The following CADPS variants were observed in gnomAD, a reference collection of about 807,000 sequenced individuals.
CADPS encodes the protein calcium dependent secretion activator, also known as calcium-dependent secretion activator 1.
CADPS carries 57 observed loss-of-function variants against 167.3 expected under a neutral mutation model. The ratio of observed to expected loss-of-function variants is 0.34; its 90% CI spans 0.28 to 0.42. The LOEUF (loss-of-function observed/expected upper bound fraction) is 0.42. Among genes scored for constraint, CADPS ranks in the 20% least tolerant of loss-of-function variants. The probability of loss-of-function intolerance (pLI) is 1.00; values close to 1 mark genes in which losing one functional copy is unlikely to be tolerated. For synonymous variants in CADPS, 676 were observed against 635.3 expected (o/e 1.06, Z -0.96); for missense variants, 1,414 against 1,738.1 (o/e 0.81, Z 3.32).
chr3:62,481,658 A>G, intron 22 of CADPS, 65 bp downstream of exon 22: 1 of 1,405,310 alleles, frequency 7.1e-7, no homozygotes. Context: ...ATAGAAATAA[A>G]CAATACATAT....
chr3:62,433,590 G>T lies in CADPS; in HGVS notation c.3777+4514C>A, dbSNP rs1040082337. ...CCCTGGGCCTGGTTCCCAATGACAC[G>T]GGGCCTGAAGAAAGCCAGTGCGGAT... On this transcript the variant is annotated intron_variant, in intron 28 of 29. Transcript: ENST00000383710. This position sits in a 1 kb window ranked among gnomAD's most constrained non-coding sequence, Gnocchi z 4.7. Among the ~76,000 whole-genome samples, 2 of 152,048 alleles carry T rather than the reference G, an allele frequency of 1.3e-5. No individual in the cohort carries two copies. Among genetic ancestry groups the T allele is most frequent in the African/African-American group, 4.8e-5 (2 of 41,392 alleles).
intron 6 of CADPS, among the ~76,000 whole-genome samples, chr3:62,629,757 GTTT>G (rs55956118): frequency 2.7e-5 from 4 of 145,678 alleles, no homozygotes; most frequent in African/African-American, 1.0e-4. Context: ...CTCTGGTACA[GTTT>G]TTTTTTTGTT....
intron 3 of CADPS, among the ~76,000 whole-genome samples, chr3:62,684,217 G>A (rs1210197381): frequency 2.0e-5 from 3 of 151,992 alleles, no homozygotes; most frequent in Non-Finnish European, 4.4e-5. Flanking sequence ...TATGGACTTA[G>A]GAAAGTTTAT....
intron 2 of CADPS, among the ~76,000 whole-genome samples, chr3:62,758,200 T>C (rs2084475119): frequency 6.6e-6 from 1 of 152,222 alleles, no homozygotes; most frequent in South Asian, 2.1e-4. Context: ...TCCTTCATGG[T>C]AAACAATGAA....
At chr3:62,744,234 T>A (rs994907234) in intron 3 of CADPS, among the ~76,000 whole-genome samples, 2 of 152,160 alleles carry the variant, frequency 1.3e-5, no homozygotes, top group Non-Finnish European at 2.9e-5. Flanking sequence ...GTATAATTGA[T>A]GTCCAAACTG....
chr3:62,527,076 C>G (rs918901308), intron 13 of CADPS, among the ~76,000 whole-genome samples: 10 of 152,188 alleles, frequency 6.6e-5, no homozygotes, highest in Non-Finnish European at 1.3e-4. Flanking sequence ...AGGATGCCAC[C>G]TAGTACTCTG....
intron 6 of CADPS, among the ~76,000 whole-genome samples, chr3:62,608,540 A>T (rs569428799): frequency 6.6e-6 from 1 of 152,262 alleles, no homozygotes; most frequent in East Asian, 1.9e-4. Flanking sequence ...CGGCCTCCCA[A>T]AGTGCTGGGA....
chr3:62,645,586 T>C (rs1381835054), intron 6 of CADPS, 136 bp downstream of exon 6: 13 of 901,718 alleles, frequency 1.4e-5, no homozygotes, highest in Admixed American at 2.5e-5. Flanking sequence ...AGGCAAGTCA[T>C]CTTGTTTGAA....
At chr3:62,428,490 T>C (rs2053244040) in intron 28 of CADPS, among the ~76,000 whole-genome samples, 1 of 152,022 alleles carries the variant, frequency 6.6e-6, no homozygotes, top group Non-Finnish European at 1.5e-5. Context: ...AAGAGGGTCC[T>C]GGATGTCTAA....
At chr3:62,748,718 T>A (rs968698446) in intron 3 of CADPS, among the ~76,000 whole-genome samples, 2 of 152,056 alleles carry the variant, frequency 1.3e-5, no homozygotes, top group East Asian at 1.9e-4. Context: ...CACTTAAAAA[T>A]TTTTTTTGAG....
chr3:62,598,603 C>A (rs542306123), intron 6 of CADPS, among the ~76,000 whole-genome samples: 1 of 152,324 alleles, frequency 6.6e-6, no homozygotes, highest in South Asian at 2.1e-4. Context: ...GCCATACATG[C>A]ATTTGATCAT....
chr3:62,598,462 C>T (rs944245678), intron 6 of CADPS, among the ~76,000 whole-genome samples: 9 of 152,154 alleles, frequency 5.9e-5, no homozygotes, highest in South Asian at 2.1e-4. Context: ...GAAAAAATGT[C>T]ATGAAAAATA....
intron 1 of CADPS, among the ~76,000 whole-genome samples, chr3:62,838,480 G>T (rs1212932138): frequency 1.3e-5 from 2 of 152,084 alleles, no homozygotes; most frequent in African/African-American, 4.8e-5. Flanking sequence ...CAGTTTTTAG[G>T]GAATCTGTGA....
intron 28 of CADPS, among the ~76,000 whole-genome samples, chr3:62,415,754 C>T (rs368680720): frequency 2.0e-5 from 3 of 152,096 alleles, no homozygotes; most frequent in African/African-American, 7.2e-5. Context: ...AAGGGTTCCC[C>T]GCTGGGCCTC....
At chr3:62,590,591 A>G (rs2085751366) in intron 7 of CADPS, among the ~76,000 whole-genome samples, 1 of 152,116 alleles carries the variant, frequency 6.6e-6, no homozygotes, top group Non-Finnish European at 1.5e-5. Context: ...CTGCAGTAAT[A>G]TGACTCCAGG....
chr3:62,474,346 C>T, intron 23 of CADPS, 26 bp from the exon 24 acceptor site: 3 of 1,610,474 alleles, frequency 1.9e-6, no homozygotes, highest in Non-Finnish European at 2.5e-6. Context: ...AGGAAAAGAC[C>T]AATTCAGCGT....
chr3:62,593,435 C>A (rs896412075), intron 6 of CADPS, among the ~76,000 whole-genome samples: 3 of 152,212 alleles, frequency 2.0e-5, no homozygotes, highest in Non-Finnish European at 2.9e-5. Flanking sequence ...TTGATGTGCC[C>A]TTCAAATGCA....
chr3:62,668,658 A>C (rs2034869575), intron 3 of CADPS, among the ~76,000 whole-genome samples: 1 of 151,994 alleles, frequency 6.6e-6, no homozygotes, highest in African/African-American at 2.4e-5. Flanking sequence ...ACAGGTACTT[A>C]TGTGATTTGG....
chr3:62,761,173 TAAC>T (rs1209036489), intron 2 of CADPS, among the ~76,000 whole-genome samples: 6 of 152,178 alleles, frequency 3.9e-5, no homozygotes, highest in East Asian at 1.9e-4. Context: ...TTTCTTCTGA[TAAC>T]AACAACAATA....
Sources: allele counts gnomAD v4.1 joint callset (sites outside exome capture counted in the v4.1 genomes callset), GRCh38; gene constraint gnomAD v4.1.1; non-coding constraint Gnocchi (gnomAD v3.1); transcripts MANE v1.5; gene names NCBI Gene and HGNC (gene_info 2026-07-23, HGNC 2026-07-21).